Variants in TASP1 observed in about 807,000 individuals in gnomAD.
The protein encoded by TASP1 is threonine aspartase 1.
TASP1 carries 16 observed loss-of-function variants against 56.6 expected under a neutral mutation model. That is an observed-to-expected ratio of 0.28 (90% CI 0.19 to 0.43). TASP1 has a LOEUF of 0.43. Ranked by LOEUF, TASP1 falls within the 20% of genes least tolerant of loss-of-function variation. The pLI is 1.00. For missense variants in TASP1, 393 were observed against 511.6 expected, an observed-to-expected ratio of 0.77 and a Z score of 2.24; for synonymous variants, 179 against 184.2, an observed-to-expected ratio of 0.97 and a Z score of 0.23.
At chr20:13,374,199 T>C in the TASP1 span, among the ~76,000 whole-genome samples, 1 of 152,230 alleles carries the variant, frequency 6.6e-6, no homozygotes, top group Non-Finnish European at 1.5e-5. Flanking sequence ...TTATAATGGC[T>C]ACTTTAAAGT....
the TASP1 span, chr20:13,159,886 TAAAAAAGAAAAAAG>T: frequency 6.5e-5 from 89 of 1,363,330 alleles, no homozygotes; most frequent in Non-Finnish European, 8.5e-5. Context: ...CTTATTATCA[TAAAAAAGAAAAAAG>T]AAAAAAGAAA....
At chr20:13,624,687 A>T (rs1387788667) in intron 3 of TASP1, among the ~76,000 whole-genome samples, 2 of 152,206 alleles carry the variant, frequency 1.3e-5, no homozygotes, top group South Asian at 4.1e-4. Flanking sequence ...CAATTTAGCA[A>T]AACCTCAAAA....
chr20:13,217,392 T>C, the TASP1 span, among the ~76,000 whole-genome samples: 1 of 152,310 alleles, frequency 6.6e-6, no homozygotes, highest in South Asian at 2.1e-4. Context: ...AACTACTCTT[T>C]GCTATGTTGT....
chr20:13,372,071 T>C, the TASP1 span, among the ~76,000 whole-genome samples: 1 of 152,220 alleles, frequency 6.6e-6, no homozygotes, highest in South Asian at 2.1e-4. Context: ...GAGCATATAA[T>C]TGCATCTTGT....
chr20:13,533,915 ATTCATTTTTTC>A (rs2045319516), intron 9 of TASP1, 96 bp downstream of exon 9: 2 of 1,296,694 alleles, frequency 1.5e-6, no homozygotes, highest in Non-Finnish European at 2.1e-6. Context: ...AAACAATGAC[ATTCATTTTTTC>A]TAAAGAAAAA....
intron 10 of TASP1, among the ~76,000 whole-genome samples, chr20:13,501,680 C>T (rs1000488947): frequency 2.0e-5 from 3 of 151,822 alleles, no homozygotes; most frequent in Admixed American, 2.0e-4. Context: ...TTACATTAAA[C>T]ATAAATGGAC....
chr20:13,562,811 A>C (rs548081966), intron 7 of TASP1, among the ~76,000 whole-genome samples: 1 of 150,776 alleles, frequency 6.6e-6, no homozygotes, highest in Non-Finnish European at 1.5e-5. Flanking sequence ...TGGGCAGTCA[A>C]GGTTGCAGTG....
Position 13,590,114 on chromosome 20 carries a change from C to T in TASP1, c.283-2744G>A, listed in dbSNP as rs139103879. ...GGACATGGTGGTGGTCATCTGTAAT[C>T]GCAGCTACTCAGGAGGCTGAGGCAC... On this transcript the variant is annotated intron_variant, in intron 4 of 13. Transcript: ENST00000337743. 7.3e-3 allele frequency among the ~76,000 whole-genome samples: 1,112 copies of T among 152,172 alleles called. 6 individuals are homozygous for T. Among genetic ancestry groups the T allele is most frequent in the Non-Finnish European group, 0.012 (805 of 68,004 alleles).
the TASP1 span, among the ~76,000 whole-genome samples, chr20:13,381,932 A>G: frequency 6.6e-6 from 1 of 152,200 alleles, no homozygotes; most frequent in African/African-American, 2.4e-5. Flanking sequence ...GTCTCTGTCT[A>G]TGAATAAGTG....
chr20:13,143,824 T>TTTGCCAATTACTTTGTCTTC, the TASP1 span, among the ~76,000 whole-genome samples: 9 of 152,360 alleles, frequency 5.9e-5, no homozygotes, highest in East Asian at 1.5e-3. Context: ...GTATCTGTCT[T>TTTGCCAATTACTTTGTCTTC]TTGCCAATTC....
chr20:13,253,726 A>G, the TASP1 span, among the ~76,000 whole-genome samples: 4 of 152,250 alleles, frequency 2.6e-5, no homozygotes, highest in Admixed American at 2.6e-4. Context: ...CCATTTTGAG[A>G]ACACATGAAT....
chr20:13,483,319 A>G lies in TASP1; in HGVS notation c.893T>C (p.Val298Ala). The G allele has an allele frequency of 6.3e-7, 1 of 1,581,498 alleles. No homozygotes were observed. The highest frequency in any genetic ancestry group is 1.2e-5 in the South Asian group (1 of 86,114). Residue 298 changes from valine to alanine, a missense_variant, in exon 11 of 14, where the codon GTG (valine) becomes GCG (alanine). Around this residue, in one of 3 missense-constraint regions of TASP1, gnomAD observed 293 missense variants for 354.2 expected, o/e 0.83. Coordinates refer to ENST00000337743, the MANE Select transcript of TASP1 (RefSeq NM_017714.3). ...ACATTCTCTAGCCAGTATGGTGCGC[A>G]CAAGATGCTCTCCACATCCTAGAAA... ...VSTSGCGEHL[V>A]RTILARECSH...
At chr20:13,422,825 A>T (rs972141434) in intron 12 of TASP1, among the ~76,000 whole-genome samples, 7 of 152,210 alleles carry the variant, frequency 4.6e-5, no homozygotes, top group Non-Finnish European at 1.0e-4. Context: ...GAATGTGCAC[A>T]TGAGGTGACT....
chr20:13,113,058 CCATAATCCCA>C, the TASP1 span, among the ~76,000 whole-genome samples: 344 of 152,162 alleles, frequency 2.3e-3, 1 homozygote, highest in Middle Eastern at 0.017. Context: ...TGGTGCACTC[CCATAATCCCA>C]GTTACTGAGG....
the TASP1 span, among the ~76,000 whole-genome samples, chr20:13,235,795 T>C: frequency 6.6e-6 from 1 of 152,210 alleles, no homozygotes; most frequent in African/African-American, 2.4e-5. Flanking sequence ...GCTTGGACAA[T>C]ATAAGCCTGC....
intron 10 of TASP1, among the ~76,000 whole-genome samples, chr20:13,523,082 T>C (rs1344369750): frequency 6.6e-6 from 1 of 152,020 alleles, no homozygotes; most frequent in Non-Finnish European, 1.5e-5. Context: ...TGAAGTAGAA[T>C]AAAATTGAGT....
At chr20:13,536,123 C>G (rs925009842) in intron 8 of TASP1, among the ~76,000 whole-genome samples, 2 of 152,124 alleles carry the variant, frequency 1.3e-5, no homozygotes, top group African/African-American at 4.8e-5. Flanking sequence ...AAGAAGGCTT[C>G]TCAAATTTTA....
chr20:13,344,644 G>A, the TASP1 span, among the ~76,000 whole-genome samples: 1 of 152,188 alleles, frequency 6.6e-6, no homozygotes, highest in Non-Finnish European at 1.5e-5. Flanking sequence ...AAGAAAATGT[G>A]AGATTAGCCC....
the TASP1 span, among the ~76,000 whole-genome samples, chr20:13,219,066 T>G: frequency 6.6e-6 from 1 of 152,190 alleles, no homozygotes; most frequent in Non-Finnish European, 1.5e-5. Context: ...TCCAAAACTG[T>G]TACTTTTAGA....
Sources: allele counts gnomAD v4.1 joint callset (sites outside exome capture counted in the v4.1 genomes callset), GRCh38; gene constraint gnomAD v4.1.1; regional missense constraint gnomAD v4.1.1; transcripts MANE v1.5; gene names NCBI Gene and HGNC (gene_info 2026-07-23, HGNC 2026-07-21).